The following FAM53A variants were observed in gnomAD, a reference collection of about 807,000 sequenced individuals.
FAM53A encodes protein FAM53A.
A neutral mutation model predicts 26.6 loss-of-function variants in FAM53A; 28 were observed. The observed-to-expected ratio is 1.05, with a 90% CI of 0.78 to 1.45. The LOEUF is 1.45. Among genes scored for constraint, FAM53A ranks in the 40% most tolerant of loss-of-function variants. The pLI is 0.00. For missense variants in FAM53A, 650 were observed against 575.8 expected (o/e 1.13, Z -1.32); for synonymous variants, 290 against 253.1 (o/e 1.15, Z -1.38).
At chr4:1,611,452 C>T in the FAM53A span, among the ~76,000 whole-genome samples, 1 of 152,196 alleles carries the variant, frequency 6.6e-6, no homozygotes, top group Admixed American at 6.5e-5. Flanking sequence ...CCTCACCAGT[C>T]CCAGGGCAGG....
At chr4:1,576,471 G>T in the FAM53A span, among the ~76,000 whole-genome samples, 3 of 152,344 alleles carry the variant, frequency 2.0e-5, no homozygotes, top group Admixed American at 6.5e-5. Context: ...AATTTACGGG[G>T]CCGCGCTTGA....
rs111553591 is a variant in FAM53A, at chr4:1,668,391, T to C, written c.75+276A>G. On this transcript the variant is annotated intron_variant, in intron 2 of 4. Coordinates refer to ENST00000308132, the MANE Select transcript of FAM53A (RefSeq NM_001174070.3). ...CTGACCTCAAGTGATCTGACCGCCT[T>C]GGCCTCCCAAAGTGCTGGGATTACA... is the stretch of plus-strand genomic sequence containing the variant. Among the ~76,000 whole-genome samples, 1,290 of 152,284 alleles carry C rather than the reference T, an allele frequency of 8.5e-3. 19 individuals carry two copies. Among genetic ancestry groups the C allele is most frequent in the African/African-American group, 0.03 (1,239 of 41,564 alleles).
chr4:1,579,769 C>T, the FAM53A span, among the ~76,000 whole-genome samples: 4 of 152,136 alleles, frequency 2.6e-5, no homozygotes, highest in Admixed American at 2.6e-4. Context: ...CCAGGAGTGT[C>T]CGCGCTGTGG....
At chr4:1,651,367 A>G (rs886403581) in intron 4 of FAM53A, among the ~76,000 whole-genome samples, 1 of 152,022 alleles carries the variant, frequency 6.6e-6, no homozygotes, top group African/African-American at 2.4e-5. Context: ...TCCTATCTCT[A>G]TTAAAAATAC....
At chr4:1,657,507 G>A (rs372584138) in intron 2 of FAM53A, 39 bp from the exon 3 acceptor site, 2 of 1,577,710 alleles carry the variant, frequency 1.3e-6, no homozygotes, top group Admixed American at 1.7e-5. Flanking sequence ...TGACTGACAC[G>A]TGAGAATTCG....
intron 2 of FAM53A, among the ~76,000 whole-genome samples, chr4:1,660,359 G>T (rs1713737537): frequency 1.8e-5 from 1 of 55,262 alleles, no homozygotes; most frequent in Non-Finnish European, 3.4e-5. Flanking sequence ...GCACTGTGGG[G>T]GCTGAGGTGG....
At chr4:1,579,516 C>G in the FAM53A span, among the ~76,000 whole-genome samples, 1 of 152,178 alleles carries the variant, frequency 6.6e-6, no homozygotes, top group Non-Finnish European at 1.5e-5. Flanking sequence ...AGAAGTGCAA[C>G]GCGCACGGGT....
intron 1 of FAM53A, among the ~76,000 whole-genome samples, chr4:1,677,667 G>A (rs1715135588): frequency 6.6e-6 from 1 of 152,198 alleles, no homozygotes; most frequent in South Asian, 2.1e-4. Flanking sequence ...AGAGGGAAGA[G>A]CTGTCAACAC....
chr4:1,642,424 T>G, intron 4 of FAM53A, among the ~76,000 whole-genome samples: 2 of 148,066 alleles, frequency 1.4e-5, no homozygotes, highest in Admixed American at 6.7e-5. Flanking sequence ...CACCACCCCC[T>G]TCTCACTCTG....
In FAM53A at chr4:1,628,847, G is replaced by C. The variant is rs1270545137; in HGVS notation, c.432-10736C>G. Among the ~76,000 whole-genome samples, 15 of 147,620 alleles carry C rather than the reference G, an allele frequency of 1.0e-4. No individual in the cohort carries two copies. The East Asian group carries it at 3.0e-3, about 30-fold the overall frequency. On this transcript the variant is annotated intron_variant, in intron 1 of 1. Transcript: ENST00000489029. ...TGGCATGGGGGAGGTTGGCATGGGG[G>C]GAGGGCACACACTTGCACTAAGACT...
chr4:1,646,122 A>G lies in FAM53A; in HGVS notation c.883-4515T>C, dbSNP rs181890558. 2.9e-3 allele frequency among the ~76,000 whole-genome samples: 440 copies of G among 150,698 alleles called. 2 individuals carry two copies. The highest frequency in any genetic ancestry group is 0.01 in the African/African-American group (423 of 41,008). On this transcript the variant is annotated intron_variant, in intron 4 of 4. Coordinates refer to ENST00000308132, the MANE Select transcript of FAM53A (RefSeq NM_001174070.3). ...CCAGAACTCTTTTTTTTTTTTTGAG[A>G]CGGAGTCTTGCTCTGTCGCCCAGGT...
rs139788718 is a variant in FAM53A, at chr4:1,632,385, G to A, written c.432-14274C>T. ...CAGAGCGAGGCCCTGGGAGAAAGTG[G>A]CCCTCCTGATGCTTCCATCTCGGAC... On this transcript the variant is annotated intron_variant, in intron 1 of 1. Coordinates refer to the FAM53A transcript ENST00000489029. Among the ~76,000 whole-genome samples, 205 of 152,132 alleles carry A rather than the reference G, an allele frequency of 1.3e-3. 3 individuals are homozygous for A. In the Middle Eastern group the frequency reaches 0.02, roughly 15 times the overall value.
rs573545785 is a variant in FAM53A, at chr4:1,670,650, G to GCCAAGAACCCCAGACT, written c.-164-1761_-164-1746dup. 6.5e-4 allele frequency among the ~76,000 whole-genome samples: 99 copies of GCCAAGAACCCCAGACT among 152,298 alleles called. 4 individuals carry two copies. In the South Asian group the frequency reaches 0.02, roughly 31 times the overall value. On this transcript the variant is annotated intron_variant, in intron 1 of 4. Transcript: ENST00000308132. ...CCACCACTGTCATCTCCAGCCCACA[G>GCCAAGAACCCCAGACT]CCAAGAACCCCAGACTCCAAGAGGG... is the stretch of plus-strand genomic sequence containing the variant.
the FAM53A span, among the ~76,000 whole-genome samples, chr4:1,589,674 A>T: frequency 6.6e-6 from 1 of 152,156 alleles, no homozygotes; most frequent in African/African-American, 2.4e-5. Context: ...TTTTTACAGA[A>T]ATGTATTCGT....
chr4:1,655,949 T>C (rs1713345316), intron 3 of FAM53A, among the ~76,000 whole-genome samples: 1 of 152,162 alleles, frequency 6.6e-6, no homozygotes, highest in Non-Finnish European at 1.5e-5. Flanking sequence ...GGGGACACCG[T>C]GTCTGAAGGA....
chr4:1,633,382 T>C (rs1170589237), intron 1 of FAM53A, among the ~76,000 whole-genome samples: 2 of 152,182 alleles, frequency 1.3e-5, no homozygotes, highest in African/African-American at 2.4e-5. Context: ...CAAGAGACGA[T>C]TTTATAATTA....
the FAM53A span, among the ~76,000 whole-genome samples, chr4:1,611,011 G>A: frequency 7.2e-5 from 11 of 152,208 alleles, no homozygotes; most frequent in South Asian, 2.1e-4. Flanking sequence ...TTGCACGGAC[G>A]TGGGCTGGAC....
At chr4:1,629,929 G>C (rs1391827230) in intron 1 of FAM53A, among the ~76,000 whole-genome samples, 2 of 152,130 alleles carry the variant, frequency 1.3e-5, no homozygotes, top group Non-Finnish European at 2.9e-5. Flanking sequence ...TTAAAGCTGT[G>C]GTTTATTCAG....
the FAM53A span, among the ~76,000 whole-genome samples, chr4:1,579,178 CCCCTGCCCT>C: frequency 1.3e-5 from 2 of 149,880 alleles, no homozygotes; most frequent in African/African-American, 4.9e-5. Flanking sequence ...GCCCCTGCCC[CCCCTGCCCT>C]CCCTGCCCTG....
Sources: gnomAD v4.1 joint callset for allele counts (sites outside exome capture counted in the v4.1 genomes callset) on GRCh38, gnomAD v4.1.1 for gene constraint, MANE v1.5 for transcripts, NCBI Gene and HGNC (gene_info 2026-07-23, HGNC 2026-07-21) for gene names.